Variants in SATB1 observed in about 807,000 individuals in gnomAD.
The protein encoded by SATB1 is DNA-binding protein SATB1.
Under a neutral mutation model 86.9 loss-of-function variants are expected in SATB1, and 11 were observed. The observed-to-expected ratio is 0.13, with a 90% CI of 0.08 to 0.21. The LOEUF is 0.21. Among genes scored for constraint, SATB1 ranks in the 10% least tolerant of loss-of-function variants. SATB1 has a pLI of 1.00. For missense variants in SATB1, 551 were observed against 937.6 expected, an observed-to-expected ratio of 0.59 and a Z score of 5.39; for synonymous variants, 357 against 357.2, an observed-to-expected ratio of 1.00 and a Z score of 0.01.
In SATB1 at chr3:18,416,131, G is replaced by T; in HGVS notation, c.391C>A (p.Leu131Ile). The T allele has an allele frequency of 6.2e-7, 1 of 1,601,384 alleles. No homozygotes were observed. Among genetic ancestry groups the T allele is most frequent in the South Asian group, 1.1e-5 (1 of 89,410 alleles). ...SHSSAAQAKG[L>I]IQVGKWNPVP... is the part of the protein sequence containing the mutation. ...GGATTCCACTTTCCAACCTGGATTA[G>T]CCCTATTTCAGATAAAGAGAATATG... Residue 131 changes from leucine to isoleucine, a missense_variant and splice_region_variant, in exon 4 of 11, where the codon CTA (leucine) becomes ATA (isoleucine). Around this residue, in one of 8 missense-constraint regions of SATB1, gnomAD observed 153 missense variants for 258.1 expected, o/e 0.59. Transcript: ENST00000338745.
chr3:18,440,920 A>T (rs547420120), upstream of SATB1, among the ~76,000 whole-genome samples: 46 of 152,290 alleles, frequency 3.0e-4, no homozygotes, highest in Middle Eastern at 3.4e-3. Flanking sequence ...AAGACGAAAA[A>T]CATTTTGAAA....
chr3:18,440,461 T>C, upstream of SATB1, among the ~76,000 whole-genome samples: 1 of 152,176 alleles, frequency 6.6e-6, no homozygotes, highest in South Asian at 2.1e-4. Context: ...ACAGAGCCGT[T>C]ATTTAGTGGT....
intron 9 of SATB1, among the ~76,000 whole-genome samples, chr3:18,355,114 G>A (rs1694564985): frequency 6.6e-6 from 1 of 151,904 alleles, no homozygotes; most frequent in African/African-American, 2.4e-5. Flanking sequence ...AATATTTAAC[G>A]GTGCAGCTGG....
At chr3:18,417,127 A>T in intron 2 of SATB1, 49 bp from the exon 3 acceptor site, 1 of 1,576,666 alleles carries the variant, frequency 6.3e-7, no homozygotes, top group East Asian at 2.2e-5. Flanking sequence ...AATCTTCAGA[A>T]ATACAGCTTG....
At chr3:18,375,602 G>GT (rs1487433200) in intron 9 of SATB1, among the ~76,000 whole-genome samples, 16 of 151,744 alleles carry the variant, frequency 1.1e-4, no homozygotes, top group South Asian at 4.2e-4. Context: ...GATTTGAAGG[G>GT]TTTTTTTGTT....
intron 9 of SATB1, among the ~76,000 whole-genome samples, chr3:18,369,904 T>C (rs1695379040): frequency 6.6e-6 from 1 of 152,212 alleles, no homozygotes. Context: ...ACAAGCTCCC[T>C]GGCCAGCGCC....
upstream of SATB1, among the ~76,000 whole-genome samples, chr3:18,426,469 C>A (rs1393887230): frequency 2.0e-5 from 3 of 152,326 alleles, no homozygotes; most frequent in East Asian, 1.9e-4. This position sits in a 1 kb window ranked among gnomAD's most constrained non-coding sequence, Gnocchi z 4.2. Flanking sequence ...ATAAACACTT[C>A]TGCTGTAATC....
At chr3:18,387,793 G>A (rs1696420838) in intron 7 of SATB1, among the ~76,000 whole-genome samples, 1 of 152,080 alleles carries the variant, frequency 6.6e-6, no homozygotes, top group Non-Finnish European at 1.5e-5. Context: ...AAGGTATATT[G>A]GGGGAAGGAA....
chr3:18,442,631 C>A (rs1228978278), upstream of SATB1, among the ~76,000 whole-genome samples: 1 of 152,146 alleles, frequency 6.6e-6, no homozygotes, highest in African/African-American at 2.4e-5. Context: ...GTATTTATGT[C>A]TGATGATTGT....
chr3:18,369,174 AAAG>A (rs1474728779), intron 9 of SATB1, among the ~76,000 whole-genome samples: 1,271 of 69,384 alleles, frequency 0.018, 45 homozygotes, highest in Admixed American at 0.14. Context: ...AAAAAAAAAA[AAAG>A]AAAGAAAAGC....
chr3:18,353,975 T>G (rs559377255), intron 9 of SATB1, among the ~76,000 whole-genome samples: 1 of 152,362 alleles, frequency 6.6e-6, no homozygotes, highest in South Asian at 2.1e-4. Context: ...CCTGAAAGAC[T>G]GTTAGCTAAA....
chr3:18,362,872 A>AC, intron 9 of SATB1, among the ~76,000 whole-genome samples: 1 of 147,186 alleles, frequency 6.8e-6, no homozygotes, highest in Non-Finnish European at 1.5e-5. Flanking sequence ...AAAAAAAAAA[A>AC]AAAAAAAAAC....
At chr3:18,388,090 T>C (rs1483286018) in intron 7 of SATB1, among the ~76,000 whole-genome samples, 1 of 152,194 alleles carries the variant, frequency 6.6e-6, no homozygotes, top group Non-Finnish European at 1.5e-5. Context: ...AAATTGGACC[T>C]GAACTTTCGT....
chr3:18,430,176 G>T (rs753419742), upstream of SATB1, among the ~76,000 whole-genome samples: 46 of 151,962 alleles, frequency 3.0e-4, no homozygotes, highest in African/African-American at 8.2e-4. Context: ...ACTGCAGAAA[G>T]TTCCATTGGA....
chr3:18,374,406 T>C (rs1695634288), intron 9 of SATB1, among the ~76,000 whole-genome samples: 1 of 152,240 alleles, frequency 6.6e-6, no homozygotes, highest in Non-Finnish European at 1.5e-5. Context: ...ATTATTTGAA[T>C]GTTATCAGAC....
chr3:18,389,460 T>C (rs976026647), intron 7 of SATB1, among the ~76,000 whole-genome samples: 2 of 151,914 alleles, frequency 1.3e-5, no homozygotes, highest in Admixed American at 1.3e-4. Flanking sequence ...CCTGTTCAGG[T>C]TGTTGTTACT....
rs532357667 is a variant in SATB1 at position 18,350,110 on chromosome 3, G to A, written c.1780-428C>T. The A allele has an allele frequency of 4.1e-4, 70 of 170,658 alleles. 1 individual carries two copies. The East Asian group carries it at 6.5e-3, about 16-fold the overall frequency. The allele number at this position is 170,658 out of a possible 1,614,324, so 10.6% of individuals were successfully genotyped here. Reference sequence around the variant, plus strand: ...TCAGAAAGGTGAGCTACAGAGCAGCGGGGAAAGAAATTTGTGTTCTGCTCC... The same window carrying A: ...TCAGAAAGGTGAGCTACAGAGCAGCAGGGAAAGAAATTTGTGTTCTGCTCC... On this transcript the variant is annotated intron_variant, in intron 10 of 10. Transcript: ENST00000338745.
chr3:18,366,251 C>A (rs1695178308), intron 9 of SATB1, among the ~76,000 whole-genome samples: 1 of 147,498 alleles, frequency 6.8e-6, no homozygotes, highest in Non-Finnish European at 1.5e-5. Context: ...TCAAGGTATT[C>A]TTTTTTTTTT....
In SATB1 at chr3:18,347,792, G is replaced by C. The variant is rs1249271019; in HGVS notation, c.*1378C>G. 1 of 152,110 alleles carries C rather than the reference G, an allele frequency of 6.6e-6. No individual in the cohort carries two copies. Among genetic ancestry groups the C allele is most frequent in the Admixed American group, 6.5e-5 (1 of 15,272 alleles). The allele number at this position is 152,110 out of a possible 1,614,324, so 9.4% of individuals were successfully genotyped here. ...CCTATTTAAAAATGAGCATGTGTTT[G>C]TGATTTAAATTTACAGTGTTTCAAG... is the stretch of plus-strand genomic sequence containing the variant. On this transcript the variant is annotated 3_prime_UTR_variant, in exon 11 of 11. Transcript: ENST00000338745.
Sources: gnomAD v4.1 joint callset for allele counts (sites outside exome capture counted in the v4.1 genomes callset) on GRCh38, gnomAD v4.1.1 for gene constraint, gnomAD v4.1.1 regional missense constraint, Gnocchi (gnomAD v3.1) non-coding constraint, MANE v1.5 for transcripts, NCBI Gene and HGNC (gene_info 2026-07-23, HGNC 2026-07-21) for gene names.